Variants in RIMS2 observed in about 807,000 individuals in gnomAD.
RIMS2 encodes regulating synaptic membrane exocytosis 2.
A neutral mutation model predicts 174.4 loss-of-function variants in RIMS2; 59 were observed. The observed-to-expected ratio is 0.34, with a 90% CI of 0.27 to 0.42. The LOEUF (loss-of-function observed/expected upper bound fraction) is 0.42, where lower values mean the gene tolerates loss of function less well. Among genes scored for constraint, RIMS2 ranks in the 10% least tolerant of loss-of-function variants. The pLI is 1.00. For synonymous variants in RIMS2, 606 were observed against 572.5 expected (o/e 1.06, Z -0.84); for missense variants, 1,620 against 1,666.3 (o/e 0.97, Z 0.48).
intron 15 of RIMS2, among the ~76,000 whole-genome samples, chr8:103,964,997 A>G (rs775819767): frequency 6.6e-5 from 10 of 152,130 alleles, no homozygotes; most frequent in Admixed American, 6.5e-4. Context: ...GGCTGTCTAT[A>G]TGTTCCATTG....
exon 4 of RIMS2, chr8:103,885,733 G>A (rs2099196747): frequency 6.2e-7 from 1 of 1,612,968 alleles, no homozygotes; most frequent in African/African-American, 1.3e-5. Context: ...ATGCTGATCT[G>A]GAAGATTCCA....
chr8:103,900,464 C>CCAAG (rs1369538120), intron 4 of RIMS2, among the ~76,000 whole-genome samples: 1 of 148,604 alleles, frequency 6.7e-6, no homozygotes, highest in Non-Finnish European at 1.5e-5. Context: ...ATTCCACAGG[C>CCAAG]CAAGGAACTA....
intron 2 of RIMS2, among the ~76,000 whole-genome samples, chr8:103,734,722 G>T (rs1418827701): frequency 1.3e-5 from 2 of 152,010 alleles, no homozygotes; most frequent in Non-Finnish European, 1.5e-5. Context: ...AGTCTAGCAT[G>T]TCTGAAGCGT....
chr8:103,531,012 T>C (rs1181110509), intron 1 of RIMS2, among the ~76,000 whole-genome samples: 1 of 150,708 alleles, frequency 6.6e-6, no homozygotes, highest in Non-Finnish European at 1.5e-5. Flanking sequence ...AATTTAAAGG[T>C]AAATACGAAT....
At chr8:103,994,416 AT>A (rs1265587729) in intron 17 of RIMS2, among the ~76,000 whole-genome samples, 1 of 151,756 alleles carries the variant, frequency 6.6e-6, no homozygotes, top group Admixed American at 6.6e-5. Flanking sequence ...TTGTTTTTCT[AT>A]TTTTTTCTTT....
At chr8:103,586,609 G>A (rs1438614433) in intron 1 of RIMS2, among the ~76,000 whole-genome samples, 1 of 151,794 alleles carries the variant, frequency 6.6e-6, no homozygotes, top group East Asian at 1.9e-4. Flanking sequence ...GTGCTAAGAG[G>A]GAAATTTATA....
rs371879398 is a variant in RIMS2, at chr8:103,805,819, T to C, written c.698+39282T>C. ...TTGAGTTTTCTGTATATTTAATCTC[T>C]TTAATCACTTTAGTCTTCCTTTCCT... On this transcript the variant is annotated intron_variant, in intron 3 of 23. Coordinates refer to ENST00000504942, the Ensembl canonical transcript of RIMS2. Among the ~76,000 whole-genome samples, 7 of 152,216 alleles carry C rather than the reference T, an allele frequency of 4.6e-5. 1 individual carries two copies. Among genetic ancestry groups the C allele is most frequent in the African/African-American group, 1.7e-4 (7 of 41,558 alleles).
At chr8:104,094,850 ATAT>A in intron 19 of RIMS2, 2 of 561,384 alleles carry the variant, frequency 3.6e-6, no homozygotes, top group Non-Finnish European at 6.2e-6. Context: ...TTAGCTTCTA[ATAT>A]TACTAATTAA....
At chr8:103,684,621 C>G (rs1265570635) in intron 1 of RIMS2, among the ~76,000 whole-genome samples, 2 of 149,252 alleles carry the variant, frequency 1.3e-5, no homozygotes, top group African/African-American at 2.5e-5. Context: ...GACTCTCGCT[C>G]TATCCCCCAG....
intron 1 of RIMS2, among the ~76,000 whole-genome samples, chr8:103,554,067 T>C (rs7828676): frequency 0.012 from 1,806 of 152,252 alleles, 42 homozygotes; most frequent in African/African-American, 0.041. Context: ...GATTAAAGAC[T>C]TAAATGTAAA....
intron 19 of RIMS2, among the ~76,000 whole-genome samples, chr8:104,241,989 G>T (rs2099301412): frequency 6.6e-6 from 1 of 152,026 alleles, no homozygotes; most frequent in African/African-American, 2.4e-5. Context: ...CAAACTCCTG[G>T]CCTCAAGTGA....
At chr8:103,594,840 A>G (rs903927069) in intron 1 of RIMS2, among the ~76,000 whole-genome samples, 2 of 151,820 alleles carry the variant, frequency 1.3e-5, no homozygotes, top group African/African-American at 4.8e-5. Context: ...TTTACAATAT[A>G]TAAGTATGTT....
chr8:103,888,632 G>T (rs1164533579), intron 4 of RIMS2, among the ~76,000 whole-genome samples: 3 of 151,384 alleles, frequency 2.0e-5, no homozygotes, highest in Non-Finnish European at 3.0e-5. Flanking sequence ...TCAATTCAGT[G>T]CTTGAAAGCT....
chr8:103,560,152 G>T (rs1004886070), intron 1 of RIMS2, among the ~76,000 whole-genome samples: 1 of 152,288 alleles, frequency 6.6e-6, no homozygotes, highest in East Asian at 1.9e-4. Flanking sequence ...TCTTCTCACA[G>T]GACATGAAGA....
At chr8:104,125,839 A>G (rs1488096244) in intron 19 of RIMS2, among the ~76,000 whole-genome samples, 6 of 152,336 alleles carry the variant, frequency 3.9e-5, no homozygotes, top group East Asian at 3.8e-4. Context: ...TGCAAGCTAA[A>G]TCTAATTTTT....
At chr8:104,019,232 G>A (rs143589486) in intron 19 of RIMS2, among the ~76,000 whole-genome samples, 1 of 152,058 alleles carries the variant, frequency 6.6e-6, no homozygotes, top group East Asian at 1.9e-4. Flanking sequence ...CAGTAAATCA[G>A]TATATTTTTA....
At chr8:103,616,618 A>G (rs1189445054) in intron 1 of RIMS2, among the ~76,000 whole-genome samples, 1 of 152,160 alleles carries the variant, frequency 6.6e-6, no homozygotes, top group African/African-American at 2.4e-5. Context: ...TATCTAGAAA[A>G]CCCCATAGTC....
intron 19 of RIMS2, among the ~76,000 whole-genome samples, chr8:104,098,609 C>T (rs1034771513): frequency 1.3e-5 from 2 of 152,034 alleles, no homozygotes; most frequent in Admixed American, 6.6e-5. Context: ...AAGAGAATTG[C>T]TCTTTTTGAG....
At chr8:104,239,077 G>T (rs921336101) in intron 19 of RIMS2, among the ~76,000 whole-genome samples, 3 of 152,198 alleles carry the variant, frequency 2.0e-5, no homozygotes, top group African/African-American at 7.2e-5. Flanking sequence ...GTGAATCCAA[G>T]ATTTGAAAGG....
Sources: allele counts gnomAD v4.1 joint callset (sites outside exome capture counted in the v4.1 genomes callset), GRCh38; gene constraint gnomAD v4.1.1; transcripts MANE v1.5; gene names NCBI Gene and HGNC (gene_info 2026-07-23, HGNC 2026-07-21).